Variants in BEND3 observed in about 807,000 individuals in gnomAD.
BEND3 encodes BEN domain-containing protein 3.
Under a neutral mutation model 60.1 loss-of-function variants are expected in BEND3, and 13 were observed. The observed-to-expected ratio is 0.22, with a 90% confidence interval of 0.14 to 0.34. The LOEUF (loss-of-function observed/expected upper bound fraction) is 0.34. Among genes scored for constraint, BEND3 ranks in the 10% least tolerant of loss-of-function variants. The pLI, the probability that BEND3 is intolerant of heterozygous loss-of-function variation, is 1.00. For synonymous variants in BEND3, 497 were observed against 491.5 expected (o/e 1.01, Z -0.15); for missense variants, 896 against 1,138.1 (o/e 0.79, Z 3.06).
intron 3 of BEND3, among the ~76,000 whole-genome samples, chr6:107,078,759 G>A (rs1053711504): frequency 2.6e-5 from 4 of 150,952 alleles, no homozygotes; most frequent in African/African-American, 9.8e-5. Context: ...GAGTTTTGGC[G>A]ATCTGCCCCT....
At chr6:107,098,430 G>A (rs1554236284) in intron 3 of BEND3, 121 bp downstream of exon 3, 8 of 998,950 alleles carry the variant, frequency 8.0e-6, no homozygotes. Flanking sequence ...TAGCTTAAAT[G>A]AAACCTTCCC....
At chr6:107,086,082 T>C (rs934260088) in intron 3 of BEND3, among the ~76,000 whole-genome samples, 4 of 152,162 alleles carry the variant, frequency 2.6e-5, no homozygotes, top group Non-Finnish European at 5.9e-5. Context: ...CCACCGCGCC[T>C]GGCCGCCTTC....
intron 1 of BEND3, among the ~76,000 whole-genome samples, chr6:107,103,839 T>A (rs782689861): frequency 6.6e-6 from 1 of 150,912 alleles, no homozygotes; most frequent in Non-Finnish European, 1.5e-5. Flanking sequence ...TCCCAGCTAC[T>A]CAGGAGGCTG....
intron 1 of BEND3, among the ~76,000 whole-genome samples, chr6:107,112,209 C>G (rs554032340): frequency 6.6e-6 from 1 of 152,060 alleles, no homozygotes; most frequent in Non-Finnish European, 1.5e-5. Context: ...TTCTAGGCAG[C>G]GCTAAAAAGT....
chr6:107,092,083 C>T (rs1554235315), intron 3 of BEND3, among the ~76,000 whole-genome samples: 2 of 152,052 alleles, frequency 1.3e-5, no homozygotes, highest in Non-Finnish European at 2.9e-5. Context: ...ATGGTGAAAC[C>T]CCATCTCTAC....
chr6:107,111,925 T>C (rs149978139), intron 1 of BEND3, among the ~76,000 whole-genome samples: 3,301 of 149,314 alleles, frequency 0.022, 122 homozygotes, highest in African/African-American at 0.078. Flanking sequence ...GATGTTGCAG[T>C]GGGCCGAGAT....
intron 3 of BEND3, among the ~76,000 whole-genome samples, chr6:107,071,228 C>G (rs1554232020): frequency 6.6e-6 from 1 of 152,220 alleles, no homozygotes; most frequent in Non-Finnish European, 1.5e-5. Flanking sequence ...CAGTGGACTT[C>G]CTTTCCGTCA....
In BEND3 at chr6:107,082,594, C is replaced by T. The variant is rs925857315; in HGVS notation, c.241-11644G>A. Among the ~76,000 whole-genome samples the T allele has an allele frequency of 1.2e-4, 18 of 152,212 alleles. No homozygotes were observed. The South Asian group carries it at 1.5e-3, about 12-fold the overall frequency. On this transcript the variant is annotated intron_variant, in intron 3 of 3. Coordinates refer to ENST00000369042, the MANE Select transcript of BEND3 (RefSeq NM_001367314.1). ...GGATTACAGGCACACGCCACCACACCGGGCTAATTTTTGTATTTTTAACAG... is the reference window on the plus strand; with the variant it reads ...GGATTACAGGCACACGCCACCACACTGGGCTAATTTTTGTATTTTTAACAG...
chr6:107,091,933 T>A (rs1775485056), intron 3 of BEND3, among the ~76,000 whole-genome samples: 1 of 152,170 alleles, frequency 6.6e-6, no homozygotes, highest in African/African-American at 2.4e-5. Context: ...TGAGTCGTAA[T>A]TCTGTCTCCC....
At chr6:107,113,700 C>G (rs1444845299) in intron 1 of BEND3, among the ~76,000 whole-genome samples, 3 of 151,876 alleles carry the variant, frequency 2.0e-5, no homozygotes, top group Non-Finnish European at 4.4e-5. Context: ...GTCCCAGTAC[C>G]GAGGAAAGCT....
intron 3 of BEND3, among the ~76,000 whole-genome samples, chr6:107,076,742 G>A (rs1259468763): frequency 6.6e-6 from 1 of 152,142 alleles, no homozygotes; most frequent in African/African-American, 2.4e-5. Context: ...TGAAACAGTG[G>A]TCAGTTGGGC....
intron 1 of BEND3, among the ~76,000 whole-genome samples, chr6:107,108,805 T>A (rs77466165): frequency 0.015 from 2,293 of 151,522 alleles, 70 homozygotes; most frequent in African/African-American, 0.052. Context: ...ATTAAGAGGG[T>A]TGATTGATTG....
chr6:107,111,538 A>T (rs978450295), intron 1 of BEND3, among the ~76,000 whole-genome samples: 3 of 151,654 alleles, frequency 2.0e-5, no homozygotes, highest in Admixed American at 6.6e-5. Flanking sequence ...GAGATAACAC[A>T]TACACATCCC....
At position 107,066,096 on chromosome 6, in the gene BEND3, A is replaced by C. The variant is rs1774822250; in HGVS notation, c.*2608T>G. 2.9e-5 allele frequency: 1 copy of C among 34,314 alleles called. No homozygotes were observed. Among genetic ancestry groups the C allele is most frequent in the South Asian group, 8.4e-4 (1 of 1,196 alleles). 2.1% of individuals were successfully genotyped at this position (34,314 alleles called of 1,614,324 possible). ...TTTTAGTCCTTGGGATACAAGGCCA[A>C]AAAAAAAAAAAAAAAAATCCAAAAA... On this transcript the variant is annotated 3_prime_UTR_variant, in exon 4 of 4. Transcript: ENST00000369042.
At chr6:107,106,354 C>T (rs1370627206) in intron 1 of BEND3, among the ~76,000 whole-genome samples, 1 of 152,172 alleles carries the variant, frequency 6.6e-6, no homozygotes, top group Non-Finnish European at 1.5e-5. Flanking sequence ...TCAGGAGACT[C>T]CCGGCATGAG....
chr6:107,099,723 T>C (rs936739528), intron 1 of BEND3, among the ~76,000 whole-genome samples: 11 of 152,174 alleles, frequency 7.2e-5, no homozygotes, highest in African/African-American at 2.7e-4. Context: ...TCAAGAGAAC[T>C]GTGCTGCCCA....
At chr6:107,106,357 G>A (rs1382191857) in intron 1 of BEND3, among the ~76,000 whole-genome samples, 2 of 152,166 alleles carry the variant, frequency 1.3e-5, no homozygotes, top group East Asian at 3.8e-4. Context: ...GGAGACTCCC[G>A]GCATGAGAGC....
chr6:107,087,376 G>A (rs1301091771), intron 3 of BEND3, among the ~76,000 whole-genome samples: 1 of 152,098 alleles, frequency 6.6e-6, no homozygotes, highest in African/African-American at 2.4e-5. Flanking sequence ...CAGACTCAGA[G>A]GTGGTAGGGA....
At chr6:107,087,293 T>G (rs1775373127) in intron 3 of BEND3, among the ~76,000 whole-genome samples, 1 of 151,654 alleles carries the variant, frequency 6.6e-6, no homozygotes, top group Admixed American at 6.6e-5. Flanking sequence ...CACTCCAGCC[T>G]GGGTAAGAGA....
Sources: allele counts gnomAD v4.1 joint callset (sites outside exome capture counted in the v4.1 genomes callset), GRCh38; gene constraint gnomAD v4.1.1; transcripts MANE v1.5; gene names NCBI Gene and HGNC (gene_info 2026-07-23, HGNC 2026-07-21).